FMN1: variants seen among roughly 807,000 people sequenced by gnomAD.
The protein encoded by FMN1 is formin 1.
A neutral mutation model predicts 132.4 loss-of-function variants in FMN1; 110 were observed. The observed-to-expected ratio is 0.83, with a 90% CI of 0.71 to 0.97. The LOEUF is 0.97. Ranked by LOEUF, FMN1 falls within the 50% of genes least tolerant of loss-of-function variation. The pLI is 0.00. For synonymous variants in FMN1, 722 were observed against 651.7 expected, an observed-to-expected ratio of 1.11 and a Z score of -1.64; for missense variants, 1,792 against 1,705.3, an observed-to-expected ratio of 1.05 and a Z score of -0.90.
intron 8 of FMN1, among the ~76,000 whole-genome samples, chr15:32,967,346 A>C (rs768454243): frequency 1.3e-5 from 2 of 152,200 alleles, no homozygotes; most frequent in African/African-American, 2.4e-5. Flanking sequence ...CTAGTGGGAC[A>C]CAGGTGTGGA....
intron 8 of FMN1, among the ~76,000 whole-genome samples, chr15:32,965,774 G>A (rs1336152527): frequency 6.6e-6 from 1 of 152,104 alleles, no homozygotes. Context: ...GTTGAACCAT[G>A]TAATAGTATG....
intron 17 of FMN1, among the ~76,000 whole-genome samples, chr15:32,831,121 T>G (rs1014238558): frequency 6.6e-6 from 1 of 152,188 alleles, no homozygotes; most frequent in Non-Finnish European, 1.5e-5. Context: ...GAGATAATAA[T>G]AGTGCTTTCC....
chr15:32,827,808 C>T lies in FMN1; in HGVS notation c.3929-23476G>A, dbSNP rs570549543. 2.5e-3 allele frequency among the ~76,000 whole-genome samples: 385 copies of T among 151,272 alleles called. 1 individual carries two copies. Among genetic ancestry groups the T allele is most frequent in the African/African-American group, 8.7e-3 (356 of 41,152 alleles). On this transcript the variant is annotated intron_variant, in intron 17 of 20. Transcript: ENST00000616417. Reference sequence around the variant, plus strand: ...GCAGTGAGCGGAGATTGCGCCACTGCACTCCAGCCTGGGTGACAGAGCAAG... The same window carrying T: ...GCAGTGAGCGGAGATTGCGCCACTGTACTCCAGCCTGGGTGACAGAGCAAG...
chr15:33,002,576 A>G (rs1186308028), intron 7 of FMN1, among the ~76,000 whole-genome samples: 3 of 152,174 alleles, frequency 2.0e-5, no homozygotes, highest in African/African-American at 4.8e-5. Flanking sequence ...AGGCAGGTAA[A>G]GTGGCCCAGA....
At chr15:33,175,919 A>C (rs919482677) in intron 3 of FMN1, among the ~76,000 whole-genome samples, 38 of 152,178 alleles carry the variant, frequency 2.5e-4, no homozygotes, top group African/African-American at 8.7e-4. Context: ...TTCTTAAGGA[A>C]CCTCACATAC....
At position 33,107,299 on chromosome 15, in the gene FMN1, T is replaced by C. The variant is rs78866054; in HGVS notation, c.1868-18325A>G. 7.2e-5 allele frequency among the ~76,000 whole-genome samples: 11 copies of C among 152,126 alleles called. No homozygotes were observed. The East Asian group carries it at 2.1e-3, about 29-fold the overall frequency. ...GCAAGTGGAAAAAATCTCCCAGCTC[T>C]TCTTCCTTCTTCCACTCGTGCCTAG... On this transcript the variant is annotated intron_variant, in intron 4 of 20. Coordinates refer to ENST00000616417, the MANE Select transcript of FMN1 (RefSeq NM_001277313.2).
At chr15:33,126,630 G>A (rs865898009) in intron 4 of FMN1, among the ~76,000 whole-genome samples, 6 of 152,240 alleles carry the variant, frequency 3.9e-5, no homozygotes, top group African/African-American at 1.4e-4. Flanking sequence ...GGAAATGGGC[G>A]GAAGTGTTAA....
rs953139296 is a variant in FMN1, at chr15:33,068,372, CTT to C, written c.2044-3300_2044-3299del. On this transcript the variant is annotated intron_variant, in intron 5 of 20. Transcript: ENST00000616417. ...AGCCGGCAAGCTGATACTGAGGGCACTTAGCCACTGCCCAGAGCAGCCTAAGG... is the reference window on the plus strand; with the variant it reads ...AGCCGGCAAGCTGATACTGAGGGCACAGCCACTGCCCAGAGCAGCCTAAGG... 5.9e-5 allele frequency among the ~76,000 whole-genome samples: 9 copies of C among 152,270 alleles called. No homozygotes were observed. In the East Asian group the frequency reaches 1.7e-3, roughly 29 times the overall value.
chr15:33,072,456 G>A (rs2038035969), intron 5 of FMN1, among the ~76,000 whole-genome samples: 1 of 150,178 alleles, frequency 6.7e-6, no homozygotes, highest in South Asian at 2.2e-4. Context: ...TTTGACCTAC[G>A]TGATATTCTG....
At chr15:33,055,204 C>T (rs1396138333) in intron 6 of FMN1, among the ~76,000 whole-genome samples, 1 of 152,122 alleles carries the variant, frequency 6.6e-6, no homozygotes, top group East Asian at 1.9e-4. Flanking sequence ...TCTCCACAAC[C>T]CCTTATCTTA....
intron 15 of FMN1, among the ~76,000 whole-genome samples, chr15:32,890,836 T>C (rs1433581105): frequency 6.6e-6 from 1 of 152,232 alleles, no homozygotes; most frequent in East Asian, 1.9e-4. Flanking sequence ...TAGAAGGGTT[T>C]TTCCAATGTT....
At chr15:33,160,577 G>A (rs1438153968) in intron 3 of FMN1, among the ~76,000 whole-genome samples, 2 of 152,162 alleles carry the variant, frequency 1.3e-5, no homozygotes, top group African/African-American at 4.8e-5. Context: ...AAAAGGACAG[G>A]AAATCACTGT....
intron 5 of FMN1, among the ~76,000 whole-genome samples, chr15:33,068,994 G>T (rs2037876901): frequency 6.6e-6 from 1 of 152,170 alleles, no homozygotes; most frequent in South Asian, 2.1e-4. Flanking sequence ...CCAACTAAAT[G>T]AAACCTGGCA....
Position 32,773,882 on chromosome 15 carries a change from C to A in FMN1, c.*428G>T. On this transcript the variant is annotated 3_prime_UTR_variant, in exon 21 of 21. Coordinates refer to ENST00000616417, the MANE Select transcript of FMN1 (RefSeq NM_001277313.2). ...AAACTAAGACCAATAATCAAAACAG[C>A]AGTGTGTAACGACAAAGACTTGAAC... The A allele has an allele frequency of 5.4e-6, 1 of 184,446 alleles. No homozygotes were observed. Among genetic ancestry groups the A allele is most frequent in the Non-Finnish European group, 1.1e-5 (1 of 91,116 alleles). The allele number at this position is 184,446 out of a possible 1,614,324, so 11.4% of individuals were successfully genotyped here.
At chr15:32,915,560 C>T (rs1330377426) in intron 10 of FMN1, among the ~76,000 whole-genome samples, 2 of 152,272 alleles carry the variant, frequency 1.3e-5, no homozygotes, top group Non-Finnish European at 2.9e-5. Flanking sequence ...TGTGTGCACA[C>T]AGGCACACCG....
intron 17 of FMN1, among the ~76,000 whole-genome samples, chr15:32,812,753 C>T (rs761264182): frequency 3.9e-5 from 6 of 152,174 alleles, no homozygotes; most frequent in South Asian, 2.1e-4. Context: ...CGATGATATT[C>T]GTAAAATATC....
chr15:32,999,164 TC>T (rs1320867104), intron 7 of FMN1, among the ~76,000 whole-genome samples: 3 of 152,236 alleles, frequency 2.0e-5, no homozygotes, highest in African/African-American at 7.2e-5. Context: ...TTTTATGAAA[TC>T]ATCACATTTC....
At chr15:33,003,202 G>C (rs904894976) in intron 7 of FMN1, among the ~76,000 whole-genome samples, 2 of 152,164 alleles carry the variant, frequency 1.3e-5, no homozygotes, top group Non-Finnish European at 2.9e-5. Context: ...TCTGGCCAGG[G>C]CAATTAGACA....
chr15:32,807,900 C>G (rs1465117693), intron 17 of FMN1, among the ~76,000 whole-genome samples: 1 of 152,156 alleles, frequency 6.6e-6, no homozygotes, highest in Non-Finnish European at 1.5e-5. Flanking sequence ...GACTTGGAAG[C>G]TCTAACAGCA....
Sources: gnomAD v4.1 joint callset for allele counts (sites outside exome capture counted in the v4.1 genomes callset) on GRCh38, gnomAD v4.1.1 for gene constraint, MANE v1.5 for transcripts, NCBI Gene and HGNC (gene_info 2026-07-23, HGNC 2026-07-21) for gene names.